The following GALM variants were observed in gnomAD, a reference collection of about 807,000 sequenced individuals.
The protein encoded by GALM is galactose mutarotase, also known as aldose 1-epimerase.
Under a neutral mutation model 37.4 loss-of-function variants are expected in GALM, and 43 were observed. The observed-to-expected ratio is 1.15, with a 90% CI of 0.90 to 1.48. GALM has a LOEUF of 1.48. GALM is among the 40% of genes most tolerant of loss of function. The pLI, the probability that GALM is intolerant of heterozygous loss-of-function variation, is 0.00. For missense variants in GALM, 456 were observed against 419.1 expected, an observed-to-expected ratio of 1.09 and a Z score of -0.77; for synonymous variants, 199 against 170.6, an observed-to-expected ratio of 1.17 and a Z score of -1.30.
intron 4 of GALM, among the ~76,000 whole-genome samples, chr2:38,699,800 A>T (rs1665880140): frequency 6.6e-6 from 1 of 152,212 alleles, no homozygotes; most frequent in Non-Finnish European, 1.5e-5. Flanking sequence ...GATACTCGAT[A>T]TAATTTCAAT....
At chr2:38,730,105 C>G (rs1666571118) in intron 5 of GALM, among the ~76,000 whole-genome samples, 1 of 152,236 alleles carries the variant, frequency 6.6e-6, no homozygotes, top group Non-Finnish European at 1.5e-5. Context: ...CTCACCGCCT[C>G]CAGCCTTGAC....
chr2:38,708,650 A>ACCCG (rs1429124171), intron 4 of GALM, among the ~76,000 whole-genome samples: 1 of 150,660 alleles, frequency 6.6e-6, no homozygotes, highest in African/African-American at 2.5e-5. Flanking sequence ...AATGGCATGA[A>ACCCG]CCCGGGTAGG....
chr2:38,710,354 G>T (rs925436237), intron 4 of GALM, among the ~76,000 whole-genome samples: 9 of 152,182 alleles, frequency 5.9e-5, no homozygotes, highest in African/African-American at 2.2e-4. Context: ...CCAGCACTCA[G>T]ATGCTTCTGG....
chr2:38,709,893 G>T (rs765887024), intron 4 of GALM, among the ~76,000 whole-genome samples: 7 of 152,110 alleles, frequency 4.6e-5, no homozygotes, highest in Non-Finnish European at 1.0e-4. Flanking sequence ...CCCCTTTACC[G>T]CAGGCCTCCT....
intron 1 of GALM, among the ~76,000 whole-genome samples, chr2:38,672,361 A>C (rs1203073577): frequency 1.3e-5 from 2 of 152,224 alleles, no homozygotes; most frequent in South Asian, 4.1e-4. Flanking sequence ...AAACAAAACC[A>C]AGGAAAGATT....
At chr2:38,733,466 C>A (rs763704817) in intron 6 of GALM, 22 bp from the exon 7 acceptor site, 33 of 1,604,830 alleles carry the variant, frequency 2.1e-5, no homozygotes, top group Non-Finnish European at 2.8e-5. Context: ...CAAGCATCAC[C>A]TGTGTTGTTT....
At chr2:38,730,116 C>T (rs961131652) in intron 5 of GALM, among the ~76,000 whole-genome samples, 5 of 152,200 alleles carry the variant, frequency 3.3e-5, no homozygotes, top group African/African-American at 1.2e-4. Flanking sequence ...CAGCCTTGAC[C>T]GATAGACACT....
At chr2:38,668,830 G>C (rs544641836) in intron 1 of GALM, 17 of 151,758 alleles carry the variant, frequency 1.1e-4, no homozygotes, top group Middle Eastern at 3.2e-3. Context: ...TTAAATACTT[G>C]ACAGAATAAG....
chr2:38,713,363 A>G (rs1666209346), intron 4 of GALM, among the ~76,000 whole-genome samples: 1 of 152,128 alleles, frequency 6.6e-6, no homozygotes, highest in East Asian at 1.9e-4. Flanking sequence ...CAGATCTAGA[A>G]AGATTTGGAG....
chr2:38,694,711 A>G (rs998806986), intron 4 of GALM, among the ~76,000 whole-genome samples: 1 of 151,988 alleles, frequency 6.6e-6, no homozygotes, highest in African/African-American at 2.4e-5. Flanking sequence ...CATGGCTAAC[A>G]TGGTAAAACC....
chr2:38,708,063 T>C (rs1175878473), intron 4 of GALM, among the ~76,000 whole-genome samples: 1 of 151,714 alleles, frequency 6.6e-6, no homozygotes, highest in East Asian at 1.9e-4. Flanking sequence ...GCCGAGGTCA[T>C]GCCATTGCAC....
chr2:38,671,514 A>C (rs937149311), intron 1 of GALM: 2 of 152,206 alleles, frequency 1.3e-5, no homozygotes, highest in African/African-American at 4.8e-5. Context: ...GACTATCACA[A>C]GAACAGCATG....
At chr2:38,706,882 C>CG (rs372785609) in intron 4 of GALM, among the ~76,000 whole-genome samples, 805 of 12,826 alleles carry the variant, frequency 0.063, 11 homozygotes, top group African/African-American at 0.18. Context: ...AAAAGGGGGG[C>CG]GGGGGGGTCG....
At chr2:38,669,924 G>A (rs1253826676) in intron 1 of GALM, among the ~76,000 whole-genome samples, 2 of 147,562 alleles carry the variant, frequency 1.4e-5, no homozygotes, top group African/African-American at 5.0e-5. Flanking sequence ...GTGCAGTGGC[G>A]CTATCTCGGC....
At chr2:38,718,782 G>A (rs573402684) in intron 4 of GALM, among the ~76,000 whole-genome samples, 1 of 151,906 alleles carries the variant, frequency 6.6e-6, no homozygotes, top group African/African-American at 2.4e-5. Context: ...AAGAGTCAAC[G>A]ACTCTTACAG....
intron 4 of GALM, among the ~76,000 whole-genome samples, chr2:38,711,785 C>CCATCATCAT (rs1558591931): frequency 6.9e-6 from 1 of 145,580 alleles, no homozygotes; most frequent in African/African-American, 2.6e-5. Context: ...ATCACTGTCA[C>CCATCATCAT]CACCATCACC....
chr2:38,683,527 T>C (rs1215903321), intron 3 of GALM, among the ~76,000 whole-genome samples: 1 of 151,504 alleles, frequency 6.6e-6, no homozygotes, highest in Non-Finnish European at 1.5e-5. Context: ...ATGTTGGCAC[T>C]CAAAAAGCTC....
chr2:38,731,825 A>G lies in GALM; in HGVS notation c.867A>G (p.Thr289=), dbSNP rs201512409. 1.5e-4 allele frequency: 238 copies of G among 1,613,988 alleles called. No homozygotes were observed. The highest frequency in any genetic ancestry group is 1.9e-4 in the Non-Finnish European group (230 of 1,179,990). Residue 289 remains threonine, a synonymous_variant, in exon 6 of 7, where the codon ACA becomes ACG. Coordinates refer to ENST00000272252, the MANE Select transcript of GALM (RefSeq NM_138801.3). ...QFYTGNFLDG[T]LKGKNGAVYP... ...ACACGGGCAACTTCCTGGATGGCACATTAAAGGGCAAGAATGGAGCTGTCT... is the reference window on the plus strand; with the variant it reads ...ACACGGGCAACTTCCTGGATGGCACGTTAAAGGGCAAGAATGGAGCTGTCT...
chr2:38,718,454 C>T (rs893993699), intron 4 of GALM, among the ~76,000 whole-genome samples: 1 of 151,848 alleles, frequency 6.6e-6, no homozygotes, highest in Admixed American at 6.6e-5. Context: ...CCACTTCAGC[C>T]TCCCAAAGTG....
Sources: gnomAD v4.1 joint callset for allele counts (sites outside exome capture counted in the v4.1 genomes callset) on GRCh38, gnomAD v4.1.1 for gene constraint, MANE v1.5 for transcripts, NCBI Gene and HGNC (gene_info 2026-07-23, HGNC 2026-07-21) for gene names.